Variants in BTD observed in about 807,000 individuals in gnomAD.
BTD encodes the protein biotinidase, also known as biocytinase.
BTD carries 13 observed loss-of-function variants against 17.7 expected under a neutral mutation model. That is an observed-to-expected ratio of 0.74 (90% CI 0.48 to 1.17). The LOEUF is 1.17. Among genes scored for constraint, BTD ranks in the 50% most tolerant of loss-of-function variants. The probability of loss-of-function intolerance (pLI) is 0.00; values close to 1 mark genes in which losing one functional copy is unlikely to be tolerated. For missense variants in BTD, 674 were observed against 650.4 expected (o/e 1.04, Z -0.39); for synonymous variants, 240 against 245.2 (o/e 0.98, Z 0.20).
intron 3 of BTD, chr3:15,709,708 T>A: frequency 6.3e-7 from 1 of 1,582,426 alleles, no homozygotes; most frequent in Non-Finnish European, 8.6e-7. Context: ...GCACCAGTAT[T>A]CAGCAGAAGG....
At chr3:15,627,491 G>A (rs1340008502) in intron 1 of BTD, among the ~76,000 whole-genome samples, 1 of 152,186 alleles carries the variant, frequency 6.6e-6, no homozygotes, top group Non-Finnish European at 1.5e-5. Flanking sequence ...CCCTCCCAAA[G>A]TGTTGGGATT....
At chr3:15,682,000 G>T (rs1386478546) in intron 3 of BTD, among the ~76,000 whole-genome samples, 1 of 152,070 alleles carries the variant, frequency 6.6e-6, no homozygotes, top group African/African-American at 2.4e-5. Flanking sequence ...ATGGAAAGTT[G>T]TCCATTGTTG....
intron 3 of BTD, chr3:15,685,270 G>T (rs2067980300): frequency 6.2e-7 from 1 of 1,613,858 alleles, no homozygotes; most frequent in Admixed American, 1.7e-5. Flanking sequence ...ATGATTGTCT[G>T]CTGTGGCTGG....
chr3:15,663,126 T>C (rs945077233), intron 3 of BTD, among the ~76,000 whole-genome samples: 2 of 152,102 alleles, frequency 1.3e-5, no homozygotes, highest in Non-Finnish European at 2.9e-5. Context: ...GCCTCCCAAG[T>C]AGCTGGGATT....
intron 3 of BTD, among the ~76,000 whole-genome samples, chr3:15,672,424 AAGCC>A (rs2066472379): frequency 6.6e-6 from 1 of 152,018 alleles, no homozygotes; most frequent in South Asian, 2.1e-4. Context: ...TTATAGGAGT[AAGCC>A]ACTGTGCCCA....
chr3:15,675,170 C>G (rs1273426634), intron 3 of BTD, among the ~76,000 whole-genome samples: 1 of 152,130 alleles, frequency 6.6e-6, no homozygotes, highest in African/African-American at 2.4e-5. Flanking sequence ...CCTGGGCAGG[C>G]TGAGGCATGA....
chr3:15,645,876 C>A lies in BTD; in HGVS notation c.*388C>A. The A allele has an allele frequency of 5.6e-6, 1 of 177,952 alleles. No homozygotes were observed. 11.0% of individuals were successfully genotyped at this position (177,952 alleles called of 1,614,324 possible). On this transcript the variant is annotated 3_prime_UTR_variant, in exon 4 of 4. Transcript: ENST00000643237. ...TTTATCTTGTTGATCAAGTGACACC[C>A]AGGACATGTAAATATTTCATAAGCC...
Position 15,645,130 on chromosome 3 carries a change from A to G in BTD, c.1214A>G (p.Tyr405Cys), listed in dbSNP as rs1349447008. ...GTCTGTTCCAATGGCCTCTGCTGTT[A>G]TTTACTTTACGAGAGGCCCACCTTA... ...LHVCSNGLCC[Y>C]LLYERPTLSK... Residue 405 changes from tyrosine to cysteine, a missense_variant, in exon 4 of 4, where the codon TAT becomes TGT. Physicochemically the swap from Tyr to Cys is radical, Grantham distance 194. Transcript: ENST00000643237. The G allele has an allele frequency of 3.1e-6, 5 of 1,614,000 alleles. No individual in the cohort carries two copies. The highest frequency in any genetic ancestry group is 2.2e-5 in the East Asian group (1 of 44,898).
rs1167496607 is a variant in BTD at position 15,646,926 on chromosome 3, T to C, written c.*1438T>C. ...GGGTTTCCATGCATGGCCTCACCAT[T>C]AACTCCTCACTGGGGAGACCTTGGG... On this transcript the variant is annotated 3_prime_UTR_variant, in exon 4 of 4. Coordinates refer to ENST00000643237, the MANE Select transcript of BTD (RefSeq NM_001370658.1). The C allele has an allele frequency of 6.6e-6, 1 of 152,178 alleles. No homozygotes were observed. The highest frequency in any genetic ancestry group is 2.4e-5 in the African/African-American group (1 of 41,430). 9.4% of individuals were successfully genotyped at this position (152,178 alleles called of 1,614,324 possible). A position where few individuals can be genotyped will look rare whatever the true frequency, so the allele number is the denominator to read the frequency against.
At chr3:15,713,577 G>T, downstream of BTD, 1 of 1,610,880 alleles carries the variant, frequency 6.2e-7, no homozygotes, top group Non-Finnish European at 8.5e-7. Flanking sequence ...GCAGCTCATG[G>T]CCATACCGTG....
chr3:15,717,767 T>C (rs980358257), downstream of BTD, among the ~76,000 whole-genome samples: 4 of 152,226 alleles, frequency 2.6e-5, no homozygotes, highest in South Asian at 2.1e-4. Context: ...GTAAGGCTCA[T>C]GTCAAGCAGT....
chr3:15,601,378 C>T (rs2064232249), upstream of BTD: 2 of 1,614,026 alleles, frequency 1.2e-6, no homozygotes, highest in South Asian at 1.1e-5. Flanking sequence ...GAAGGTCCAT[C>T]GTACTTGCGT....
In BTD at chr3:15,644,448, G is replaced by A. The variant is rs749107087; in HGVS notation, c.532G>A (p.Val178Ile). The A allele has an allele frequency of 1.9e-5, 31 of 1,613,988 alleles. No homozygotes were observed. Among genetic ancestry groups the A allele is most frequent in the Non-Finnish European group, 2.6e-5 (31 of 1,180,022 alleles). Residue 178 changes from valine to isoleucine, a missense_variant, in exon 4 of 4, where the codon GTC becomes ATC. Coordinates refer to ENST00000643237, the MANE Select transcript of BTD (RefSeq NM_001370658.1). ...KDGRYQFNTNVVFSNNGTLVD... is the reference protein window; with the variant it reads ...KDGRYQFNTNIVFSNNGTLVD... Reference sequence around the variant, plus strand: ...TGGGAGATACCAGTTCAACACAAATGTCGTGTTCAGCAATAATGGAACCCT... The same window carrying A: ...TGGGAGATACCAGTTCAACACAAATATCGTGTTCAGCAATAATGGAACCCT...
Position 15,650,809 on chromosome 3 carries a change from G to A in BTD, c.*5321G>A, listed in dbSNP as rs142282279. On this transcript the variant is annotated 3_prime_UTR_variant, in exon 4 of 4. Coordinates refer to ENST00000643237, the MANE Select transcript of BTD (RefSeq NM_001370658.1). Reference sequence around the variant, plus strand: ...TTTTGAGATGGAGTCTTGCTCTGTCGCCCGGGCAGGAGTGCAATGGCATGA... The same window carrying A: ...TTTTGAGATGGAGTCTTGCTCTGTCACCCGGGCAGGAGTGCAATGGCATGA... Among the ~76,000 whole-genome samples the A allele has an allele frequency of 5.1e-3, 770 of 152,258 alleles. 8 individuals carry two copies. Among genetic ancestry groups the A allele is most frequent in the African/African-American group, 0.018 (742 of 41,538 alleles).
chr3:15,694,601 G>C (rs563734523), intron 3 of BTD: 2 of 522,572 alleles, frequency 3.8e-6, no homozygotes, highest in South Asian at 1.1e-4. Flanking sequence ...ATTAAAGAAA[G>C]TTCTCAAAGT....
At chr3:15,716,742 T>C (rs1223094203), downstream of BTD, among the ~76,000 whole-genome samples, 1 of 152,224 alleles carries the variant, frequency 6.6e-6, no homozygotes. Flanking sequence ...TGATGAAATT[T>C]GGAAGATATA....
downstream of BTD, chr3:15,713,603 G>C (rs766735079): frequency 6.2e-6 from 10 of 1,609,810 alleles, no homozygotes; most frequent in Non-Finnish European, 7.6e-6. Flanking sequence ...ATGTGCAAAG[G>C]GGTATTTCCA....
rs72529474 is a variant in BTD at position 15,643,969 on chromosome 3, A to AATTT, written c.400-302_400-299dup. ...AAGGATTTTAAAAACTCATTTATTT[A>AATTT]ATTTATTTATTTATTTATTTATTTA... On this transcript the variant is annotated intron_variant, in intron 3 of 3. Coordinates refer to ENST00000643237, the MANE Select transcript of BTD (RefSeq NM_001370658.1). 4.0e-3 allele frequency among the ~76,000 whole-genome samples: 551 copies of AATTT among 138,008 alleles called. 3 individuals carry two copies. Among genetic ancestry groups the AATTT allele is most frequent in the South Asian group, 7.5e-3 (32 of 4,270 alleles). The allele number at this position is 138,008 out of a possible 152,430, so 90.5% of individuals were successfully genotyped here.
rs80338685 is a variant in BTD, at chr3:15,645,224, A to C, written c.1308A>C (p.Gln436His). ...LHTVHGTYYI[Q>H]VCALVRCGGL... Reference sequence around the variant, plus strand: ...CAGTACATGGCACTTACTACATCCAAGTGTGTGCCCTGGTCAGGTGTGGGG... The same window carrying C: ...CAGTACATGGCACTTACTACATCCACGTGTGTGCCCTGGTCAGGTGTGGGG... Residue 436 changes from glutamine (Q) to histidine (H), a missense_variant, in exon 4 of 4, where the codon CAA becomes CAC. Transcript: ENST00000643237. The C allele has an allele frequency of 6.8e-4, 1,090 of 1,614,130 alleles. No homozygotes were observed. The highest frequency in any genetic ancestry group is 8.8e-4 in the Non-Finnish European group (1,038 of 1,180,018).
Sources: allele counts gnomAD v4.1 joint callset (sites outside exome capture counted in the v4.1 genomes callset), GRCh38; gene constraint gnomAD v4.1.1; transcripts MANE v1.5; gene names NCBI Gene and HGNC (gene_info 2026-07-23, HGNC 2026-07-21).